Variants in FAP observed in about 807,000 individuals in gnomAD.
FAP encodes fibroblast activation protein alpha, also known as prolyl endopeptidase FAP.
Under a neutral mutation model 126.5 loss-of-function variants are expected in FAP, and 110 were observed. The observed-to-expected ratio is 0.87, with a 90% CI of 0.74 to 1.02. The LOEUF (loss-of-function observed/expected upper bound fraction) is 1.02. Ranked by LOEUF, FAP falls within the 50% of genes least tolerant of loss-of-function variation. The probability of loss-of-function intolerance (pLI) is 0.00; values close to 1 mark genes in which losing one functional copy is unlikely to be tolerated. For synonymous variants in FAP, 334 were observed against 297.3 expected (o/e 1.12, Z -1.27); for missense variants, 919 against 909.2 (o/e 1.01, Z -0.14).
At chr2:162,197,144 G>A (rs548138533) in intron 16 of FAP, among the ~76,000 whole-genome samples, 49 of 152,208 alleles carry the variant, frequency 3.2e-4, no homozygotes, top group Non-Finnish European at 6.2e-4. Context: ...GCATTCATCA[G>A]CAAATGCATC....
At chr2:162,193,036 A>T (rs755834787) in intron 17 of FAP, among the ~76,000 whole-genome samples, 3 of 152,150 alleles carry the variant, frequency 2.0e-5, no homozygotes, top group Middle Eastern at 3.2e-3. Context: ...GGACAAGGAC[A>T]TCGTCTAACC....
Position 162,179,810 on chromosome 2 carries a change from ATAT to A in FAP, c.1869+3601_1869+3603del, listed in dbSNP as rs1266131782. 2.8e-3 allele frequency among the ~76,000 whole-genome samples: 300 copies of A among 107,150 alleles called. 5 individuals carry two copies. The highest frequency in any genetic ancestry group is 0.019 in the East Asian group (59 of 3,038). The allele number at this position is 107,150 out of a possible 152,430, so 70.3% of individuals were successfully genotyped here. A position where few individuals can be genotyped will look rare whatever the true frequency, so the allele number is the denominator to read the frequency against. ...TCTATCTATATATATATATATATAT[ATAT>A]TTTTTTTTTTTTTGAGATGGAGTCT... On this transcript the variant is annotated intron_variant, in intron 21 of 25. Transcript: ENST00000188790.
intron 8 of FAP, among the ~76,000 whole-genome samples, chr2:162,218,571 A>G (rs1689250653): frequency 6.6e-6 from 1 of 151,072 alleles, no homozygotes; most frequent in Non-Finnish European, 1.5e-5. Context: ...TTAGATAGAT[A>G]GATAGATAGA....
At chr2:162,192,947 C>T (rs1207996882) in intron 17 of FAP, among the ~76,000 whole-genome samples, 1 of 152,094 alleles carries the variant, frequency 6.6e-6, no homozygotes, top group Admixed American at 6.6e-5. Flanking sequence ...TGCAGTTCCC[C>T]TATCTTAGAA....
At chr2:162,218,236 T>G (rs1689233710) in intron 8 of FAP, 96 bp from the exon 9 acceptor site, 1 of 819,472 alleles carries the variant, frequency 1.2e-6, no homozygotes, top group African/African-American at 1.8e-5. Context: ...CTGAAATAAT[T>G]TATTTAATGT....
At chr2:162,241,194 A>T (rs541074626) in intron 2 of FAP, among the ~76,000 whole-genome samples, 1 of 152,278 alleles carries the variant, frequency 6.6e-6, no homozygotes, top group East Asian at 1.9e-4. Context: ...ACTTGAGTTT[A>T]ATTTGATTAT....
At chr2:162,212,256 T>C (rs557777648) in intron 11 of FAP, among the ~76,000 whole-genome samples, 6 of 152,302 alleles carry the variant, frequency 3.9e-5, no homozygotes, top group African/African-American at 1.4e-4. Flanking sequence ...AAATTGTGTC[T>C]AAATTATAAA....
chr2:162,218,285 A>G, intron 8 of FAP, 145 bp from the exon 9 acceptor site: 1 of 527,266 alleles, frequency 1.9e-6, no homozygotes. Context: ...TTAAAAAATT[A>G]CATAATCTGA....
intron 16 of FAP, chr2:162,197,886 G>A (rs999147514): frequency 9.0e-6 from 3 of 334,164 alleles, no homozygotes; most frequent in African/African-American, 2.2e-5. Context: ...CCCAAATTAG[G>A]AATAAGCTGG....
At chr2:162,176,052 C>T (rs190571324) in intron 21 of FAP, 6 of 152,192 alleles carry the variant, frequency 3.9e-5, no homozygotes, top group Admixed American at 3.3e-4. Context: ...TTTTTAGGAC[C>T]TTATGACCAC....
At chr2:162,237,183 T>C (rs1021907386) in intron 2 of FAP, among the ~76,000 whole-genome samples, 1 of 152,216 alleles carries the variant, frequency 6.6e-6, no homozygotes, top group African/African-American at 2.4e-5. Flanking sequence ...GACTGTCTTA[T>C]GAGATCGTTT....
At chr2:162,198,273 G>C in intron 16 of FAP, 1 of 1,289,902 alleles carries the variant, frequency 7.8e-7, no homozygotes, top group Non-Finnish European at 1.0e-6. Context: ...TGGGCATCTC[G>C]GGTTTCCAAG....
intron 16 of FAP, among the ~76,000 whole-genome samples, chr2:162,196,396 A>C (rs937759150): frequency 6.6e-6 from 1 of 152,186 alleles, no homozygotes; most frequent in Non-Finnish European, 1.5e-5. Context: ...TACACATATT[A>C]CATTTTCAGC....
chr2:162,173,762 C>G lies in FAP; in HGVS notation c.1995G>C (p.Met665Ile). 3 of 1,605,298 alleles carry G rather than the reference C, an allele frequency of 1.9e-6. No individual in the cohort carries two copies. Among genetic ancestry groups the G allele is most frequent in the Non-Finnish European group, 2.6e-6 (3 of 1,172,288 alleles). ...YYASVYTERF[M>I]GLPTKDDNLE... ...GATTATCATCCTTTGTTGGGAGACC[C>G]ATGAATCTCTCTGTGTAGACAGACG... Residue 665 changes from methionine to isoleucine, a missense_variant, in exon 23 of 26, where the codon ATG (methionine) becomes ATC (isoleucine). By Grantham distance (10) the Met-to-Ile change is conservative. Transcript: ENST00000188790.
intron 15 of FAP, among the ~76,000 whole-genome samples, chr2:162,199,434 G>T (rs1576159041): frequency 6.6e-6 from 1 of 152,242 alleles, no homozygotes; most frequent in South Asian, 2.1e-4. Flanking sequence ...GGCTGGGAAT[G>T]CCCCCTCCAC....
At chr2:162,208,061 T>A (rs995637234) in intron 12 of FAP, among the ~76,000 whole-genome samples, 2 of 151,208 alleles carry the variant, frequency 1.3e-5, no homozygotes, top group Non-Finnish European at 2.9e-5. Flanking sequence ...ATTGAGACCA[T>A]CTTGGCTAAC....
chr2:162,221,918 C>G (rs754135530), intron 6 of FAP, among the ~76,000 whole-genome samples: 3 of 152,016 alleles, frequency 2.0e-5, no homozygotes, highest in Non-Finnish European at 4.4e-5. Context: ...AGTTTGCCAT[C>G]CATCCTTCAC....
chr2:162,210,219 A>G (rs1688871991), intron 11 of FAP, among the ~76,000 whole-genome samples: 1 of 152,194 alleles, frequency 6.6e-6, no homozygotes, highest in African/African-American at 2.4e-5. Context: ...AATTATGCCT[A>G]AATCTTCCAT....
intron 16 of FAP, chr2:162,198,150 T>C: frequency 1.6e-6 from 2 of 1,272,060 alleles, no homozygotes; most frequent in Non-Finnish European, 2.0e-6. Flanking sequence ...TTATTACTTA[T>C]GGTTTGTTAT....
Sources: allele counts gnomAD v4.1 joint callset (sites outside exome capture counted in the v4.1 genomes callset), GRCh38; gene constraint gnomAD v4.1.1; transcripts MANE v1.5; gene names NCBI Gene and HGNC (gene_info 2026-07-23, HGNC 2026-07-21).